Variants in HRH1 observed in about 807,000 individuals in gnomAD.
HRH1 encodes the protein histamine receptor H1.
HRH1 carries 6 observed loss-of-function variants against 10.3 expected under a neutral mutation model. The observed-to-expected ratio is 0.58, with a 90% CI of 0.32 to 1.15. The LOEUF is 1.15. HRH1 is among the 50% of genes most tolerant of loss of function. The probability of loss-of-function intolerance (pLI) is 0.05; values close to 1 mark genes in which losing one functional copy is unlikely to be tolerated. For missense variants in HRH1, 514 were observed against 615.3 expected (o/e 0.84, Z 1.74); for synonymous variants, 242 against 236.7 (o/e 1.02, Z -0.21).
At chr3:11,148,810 C>CTTTTTTTTTT (rs755029776) in intron 1 of HRH1, among the ~76,000 whole-genome samples, 1 of 84,418 alleles carries the variant, frequency 1.2e-5, no homozygotes. Flanking sequence ...AAACCACAGT[C>CTTTTTTTTTT]TTTTTTTTTT....
chr3:11,206,891 A>G (rs1353732721), intron 1 of HRH1, among the ~76,000 whole-genome samples: 2 of 152,160 alleles, frequency 1.3e-5, no homozygotes, highest in Non-Finnish European at 1.5e-5. Flanking sequence ...CAATGACGGA[A>G]TAGGGTGGGA....
chr3:11,163,281 C>T (rs566629251), intron 1 of HRH1, among the ~76,000 whole-genome samples: 28 of 152,256 alleles, frequency 1.8e-4, no homozygotes, highest in Non-Finnish European at 2.8e-4. Context: ...GGTCCCTTTC[C>T]GAGGGACATA....
intron 1 of HRH1, among the ~76,000 whole-genome samples, chr3:11,206,427 A>G (rs765094011): frequency 6.6e-5 from 10 of 152,256 alleles, no homozygotes; most frequent in Admixed American, 2.0e-4. Context: ...GTGTTTTCAC[A>G]TCTTTGTATA....
At chr3:11,246,733 A>G (rs347589) in intron 1 of HRH1, among the ~76,000 whole-genome samples, 97,967 of 152,114 alleles carry the variant, frequency 0.64, 31,851 homozygotes, top group East Asian at 0.71. Context: ...AAGGAAAAAT[A>G]CAGATTTTTT....
At chr3:11,170,701 G>A (rs1017202757) in intron 1 of HRH1, among the ~76,000 whole-genome samples, 1 of 152,328 alleles carries the variant, frequency 6.6e-6, no homozygotes. Context: ...CACAGAAGTC[G>A]GCAGGGAGCA....
intron 1 of HRH1, among the ~76,000 whole-genome samples, chr3:11,214,690 C>G (rs1401574303): frequency 1.3e-5 from 2 of 152,212 alleles, no homozygotes; most frequent in African/African-American, 4.8e-5. Flanking sequence ...GGGGCCAGGA[C>G]TTTAGACACT....
chr3:11,173,374 TTA>T (rs55976050), intron 1 of HRH1, among the ~76,000 whole-genome samples: 2 of 151,028 alleles, frequency 1.3e-5, no homozygotes, highest in Non-Finnish European at 3.0e-5. Context: ...CAAATAATAA[TTA>T]TATATATATA....
intron 1 of HRH1, among the ~76,000 whole-genome samples, chr3:11,195,043 C>T (rs1937615928): frequency 6.6e-6 from 1 of 152,196 alleles, no homozygotes; most frequent in Non-Finnish European, 1.5e-5. Flanking sequence ...TCCCCAGAGA[C>T]ATCCTGGAAA....
intron 1 of HRH1, chr3:11,253,339 C>G (rs1939700476): frequency 6.6e-6 from 1 of 152,174 alleles, no homozygotes; most frequent in Admixed American, 6.5e-5. Context: ...AGTGGGATGA[C>G]TTTTTCTTCT....
At chr3:11,237,360 A>T (rs1939208627) in intron 1 of HRH1, among the ~76,000 whole-genome samples, 1 of 152,148 alleles carries the variant, frequency 6.6e-6, no homozygotes, top group African/African-American at 2.4e-5. Context: ...GGAAAAGAGG[A>T]TGGAGTGGGG....
intron 1 of HRH1, among the ~76,000 whole-genome samples, chr3:11,185,037 TTA>T (rs199651168): frequency 2.8e-3 from 248 of 88,130 alleles, no homozygotes; most frequent in South Asian, 5.4e-3. Context: ...CAGTACTAAT[TTA>T]AAAAAAAAAA....
rs566472605 is a variant in HRH1 at position 11,208,793 on chromosome 3, G to A, written c.-35-50210G>A. 4.4e-3 allele frequency among the ~76,000 whole-genome samples: 674 copies of A among 152,338 alleles called. 6 individuals are homozygous for A. The highest frequency in any genetic ancestry group is 6.9e-3 in the Non-Finnish European group (468 of 68,022). ...ACATGGGACCAGTCCCGTAATGACT[G>A]CTGTTTATATTGTGTCCCACTTTCC... is the stretch of plus-strand genomic sequence containing the variant. On this transcript the variant is annotated intron_variant, in intron 1 of 1. Coordinates refer to ENST00000431010, the MANE Select transcript of HRH1 (RefSeq NM_001098212.2).
upstream of HRH1, among the ~76,000 whole-genome samples, chr3:11,154,353 C>T (rs574422434): frequency 9.9e-5 from 15 of 151,694 alleles, no homozygotes; most frequent in Admixed American, 9.8e-4. This position sits in a 1 kb window ranked among gnomAD's most constrained non-coding sequence, Gnocchi z 4.4. Flanking sequence ...GCGCGTGGAA[C>T]CGGGTGCGGG....
rs557437521 is a variant in HRH1, at chr3:11,241,264, G to T, written c.-35-17739G>T. 4.3e-5 allele frequency among the ~76,000 whole-genome samples: 6 copies of T among 140,734 alleles called. No homozygotes were observed. The South Asian group carries it at 1.4e-3, about 34-fold the overall frequency. 92.3% of individuals were successfully genotyped at this position (140,734 alleles called of 152,430 possible). ...CCTGTTAGTTAACAGAATTGACATTGTCCTGTACAAACAAACCACGTACGT... is the reference window on the plus strand; with the variant it reads ...CCTGTTAGTTAACAGAATTGACATTTTCCTGTACAAACAAACCACGTACGT... On this transcript the variant is annotated intron_variant, in intron 1 of 1. Transcript: ENST00000431010.
intron 1 of HRH1, among the ~76,000 whole-genome samples, chr3:11,143,651 GTAGTA>G (rs1936339891): frequency 6.6e-6 from 1 of 152,190 alleles, no homozygotes; most frequent in African/African-American, 2.4e-5. Context: ...CCCTTGTAGA[GTAGTA>G]GATGAATGGT....
At chr3:11,145,621 A>G (rs1392471659) in intron 1 of HRH1, among the ~76,000 whole-genome samples, 1 of 152,186 alleles carries the variant, frequency 6.6e-6, no homozygotes, top group Non-Finnish European at 1.5e-5. Flanking sequence ...TGCATATGGT[A>G]AAATGTACAA....
chr3:11,161,094 AT>A (rs1357449262), intron 1 of HRH1, among the ~76,000 whole-genome samples: 4 of 152,118 alleles, frequency 2.6e-5, no homozygotes, highest in African/African-American at 9.7e-5. Flanking sequence ...TAAACACTAA[AT>A]GTCATTCTCC....
At chr3:11,239,320 A>T in intron 1 of HRH1, among the ~76,000 whole-genome samples, 1 of 152,162 alleles carries the variant, frequency 6.6e-6, no homozygotes, top group Non-Finnish European at 1.5e-5. Context: ...TATTTGGTGA[A>T]ATGTCTATAT....
chr3:11,197,223 A>C (rs1201767011), intron 1 of HRH1, among the ~76,000 whole-genome samples: 1 of 152,112 alleles, frequency 6.6e-6, no homozygotes. Flanking sequence ...AGCATGTTAA[A>C]TCTGAGCAGC....
Sources: gnomAD v4.1 joint callset for allele counts (sites outside exome capture counted in the v4.1 genomes callset) on GRCh38, gnomAD v4.1.1 for gene constraint, Gnocchi (gnomAD v3.1) non-coding constraint, MANE v1.5 for transcripts, NCBI Gene and HGNC (gene_info 2026-07-23, HGNC 2026-07-21) for gene names.